LRP12: variants seen among roughly 807,000 people sequenced by gnomAD.
LRP12 encodes LDL receptor related protein 12.
Under a neutral mutation model 66.0 loss-of-function variants are expected in LRP12, and 14 were observed. The observed-to-expected ratio is 0.21, with a 90% CI of 0.14 to 0.33. LRP12 has a LOEUF of 0.33. Among genes scored for constraint, LRP12 ranks in the 10% least tolerant of loss-of-function variants. The probability of loss-of-function intolerance (pLI) is 1.00; values close to 1 mark genes in which losing one functional copy is unlikely to be tolerated. For synonymous variants in LRP12, 357 were observed against 359.1 expected (o/e 0.99, Z 0.07); for missense variants, 889 against 1,053.4 (o/e 0.84, Z 2.16).
intron 1 of LRP12, among the ~76,000 whole-genome samples, chr8:104,548,180 T>C (rs1263936083): frequency 9.9e-6 from 1 of 101,446 alleles, no homozygotes; most frequent in Admixed American, 1.4e-4. Flanking sequence ...TAATATAATA[T>C]ATAATATATA....
intron 1 of LRP12, among the ~76,000 whole-genome samples, chr8:104,538,234 C>T (rs1052992636): frequency 2.0e-5 from 3 of 152,158 alleles, no homozygotes; most frequent in African/African-American, 4.8e-5. Context: ...TAGCTACTAT[C>T]GCATTTTCCC....
rs1217102319 is a variant in LRP12, at chr8:104,497,211, GT to G, written c.1340del (p.Asn447ThrfsTer41). The G allele has an allele frequency of 1.2e-6, 2 of 1,612,052 alleles. No homozygotes were observed. Among genetic ancestry groups the G allele is most frequent in the Non-Finnish European group, 1.7e-6 (2 of 1,179,022 alleles). On this transcript the variant is annotated frameshift_variant, in exon 5 of 7. Transcript: ENST00000276654. LOFTEE classifies it high-confidence loss of function. The surrounding 1 kb of genome is among the most constrained non-coding windows in gnomAD (Gnocchi z 4.3). ...AATTTCCTGGTTGGCAAAAAAAGCAGTTTTTTTCATCTGAGCCATTTGGGCA... is the reference window on the plus strand; with the variant it reads ...AATTTCCTGGTTGGCAAAAAAAGCAGTTTTTTCATCTGAGCCATTTGGGCA... ...NHCPNGSDEKNCFFCQPGNFH... is the reference protein window; with the variant it reads ...NHCPNGSDEKXCFFCQPGNFH...
At chr8:104,542,097 C>T (rs1404567868) in intron 1 of LRP12, among the ~76,000 whole-genome samples, 1 of 152,078 alleles carries the variant, frequency 6.6e-6, no homozygotes, top group Non-Finnish European at 1.5e-5. Flanking sequence ...ATGGCAATAC[C>T]ATTTTACATT....
intron 1 of LRP12, among the ~76,000 whole-genome samples, chr8:104,545,729 CTT>C (rs1176898377): frequency 6.6e-6 from 1 of 152,084 alleles, no homozygotes; most frequent in African/African-American, 2.4e-5. Context: ...ATAAACATAA[CTT>C]TTATATGCAC....
intron 1 of LRP12, among the ~76,000 whole-genome samples, chr8:104,535,800 A>G (rs1811385448): frequency 6.6e-6 from 1 of 152,016 alleles, no homozygotes; most frequent in South Asian, 2.1e-4. Context: ...ACTAATTCCC[A>G]CATTAAAAAG....
At chr8:104,581,718 T>C (rs1336901864) in intron 1 of LRP12, among the ~76,000 whole-genome samples, 1 of 152,090 alleles carries the variant, frequency 6.6e-6, no homozygotes, top group Non-Finnish European at 1.5e-5. Context: ...CTAAGACTAG[T>C]TGGTGGCTGT....
At chr8:104,504,719 CAT>C (rs973634570) in intron 3 of LRP12, 4 of 152,254 alleles carry the variant, frequency 2.6e-5, no homozygotes, top group Non-Finnish European at 4.4e-5. Flanking sequence ...AAATGTTCCA[CAT>C]GTCTTTGAAA....
intron 1 of LRP12, among the ~76,000 whole-genome samples, chr8:104,561,598 T>C (rs1437973554): frequency 6.6e-6 from 1 of 152,252 alleles, no homozygotes; most frequent in Non-Finnish European, 1.5e-5. Context: ...GCCTATTTGT[T>C]TTTACTGTAT....
intron 1 of LRP12, 26 bp from the exon 2 acceptor site, chr8:104,531,989 T>C (rs1409398155): frequency 6.7e-7 from 1 of 1,491,822 alleles, no homozygotes. Context: ...ATGAATAAAC[T>C]AATATCCAAG....
intron 1 of LRP12, among the ~76,000 whole-genome samples, chr8:104,569,791 A>G (rs898705256): frequency 2.0e-5 from 3 of 152,102 alleles, no homozygotes; most frequent in Non-Finnish European, 2.9e-5. Flanking sequence ...CAGTGTACTA[A>G]AAGTCTTAGC....
chr8:104,510,927 C>T (rs970011304), intron 2 of LRP12, among the ~76,000 whole-genome samples: 7 of 151,450 alleles, frequency 4.6e-5, no homozygotes, highest in South Asian at 2.1e-4. Context: ...GTATAAAACA[C>T]GGCCTGCACT....
intron 1 of LRP12, among the ~76,000 whole-genome samples, chr8:104,569,356 T>G (rs1812046997): frequency 6.6e-6 from 1 of 152,160 alleles, no homozygotes. Context: ...GTGACAGTTG[T>G]GTAACTTTGT....
intron 1 of LRP12, among the ~76,000 whole-genome samples, chr8:104,576,513 G>A (rs187401882): frequency 4.6e-5 from 7 of 152,050 alleles, no homozygotes; most frequent in South Asian, 2.1e-4. Context: ...TTGCCAAAGC[G>A]TCATAAGCAA....
chr8:104,556,424 C>G (rs1018987005), intron 1 of LRP12, among the ~76,000 whole-genome samples: 1 of 151,872 alleles, frequency 6.6e-6, no homozygotes, highest in Non-Finnish European at 1.5e-5. Flanking sequence ...GAGAGAAGAT[C>G]CAAATAAGCT....
chr8:104,533,381 G>C lies in LRP12; in HGVS notation c.80-1418C>G, dbSNP rs368643561. ...AAAACACCTAAGAAGGTTTGCCAAA[G>C]GTCAGTATAAACTGCCTAAATCCTT... is the stretch of plus-strand genomic sequence containing the variant. On this transcript the variant is annotated intron_variant, in intron 1 of 6. Coordinates refer to ENST00000276654, the MANE Select transcript of LRP12 (RefSeq NM_013437.5). Among the ~76,000 whole-genome samples the C allele has an allele frequency of 4.6e-5, 7 of 152,046 alleles. No homozygotes were observed. In the East Asian group the frequency reaches 9.6e-4, roughly 21 times the overall value.
intron 6 of LRP12, 63 bp from the exon 7 acceptor site, chr8:104,491,602 A>AAC (rs1810632106): frequency 5.3e-6 from 7 of 1,310,094 alleles, no homozygotes; most frequent in Non-Finnish European, 7.2e-6. Context: ...AAAAAAAAAA[A>AAC]AAACACCCTT....
chr8:104,491,362 T>C lies in LRP12; in HGVS notation c.1891A>G (p.Ser631Gly), dbSNP rs746605524. The C allele has an allele frequency of 4.3e-6, 7 of 1,614,104 alleles. No individual in the cohort carries two copies. The highest frequency in any genetic ancestry group is 5.9e-6 in the Non-Finnish European group (7 of 1,180,000). ...TCAGGTTCTCTACTGGTACTCTGAC[T>C]AGGGACAACCTCATCTCCATCTGCT... is the stretch of plus-strand genomic sequence containing the variant. ...VSADGDEVVP[S>G]QSTSREPERN... Residue 631 changes from serine (S) to glycine (G), a missense_variant, in exon 7 of 7, where the codon AGT (serine) becomes GGT (glycine). Ser to Gly is a moderately conservative substitution (Grantham distance 56). Coordinates refer to ENST00000276654, the MANE Select transcript of LRP12 (RefSeq NM_013437.5).
intron 1 of LRP12, among the ~76,000 whole-genome samples, chr8:104,559,979 T>G (rs569030438): frequency 6.6e-5 from 10 of 152,134 alleles, no homozygotes; most frequent in Non-Finnish European, 1.2e-4. Context: ...AGTTTACCAA[T>G]GAAGAAACTA....
chr8:104,566,810 T>A (rs995328778), intron 1 of LRP12, among the ~76,000 whole-genome samples: 1 of 152,166 alleles, frequency 6.6e-6, no homozygotes, highest in Non-Finnish European at 1.5e-5. Context: ...TATTATTGTT[T>A]AAACAAAGTT....
Sources: allele counts gnomAD v4.1 joint callset (sites outside exome capture counted in the v4.1 genomes callset), GRCh38; gene constraint gnomAD v4.1.1; non-coding constraint Gnocchi (gnomAD v3.1); transcripts MANE v1.5; gene names NCBI Gene and HGNC (gene_info 2026-07-23, HGNC 2026-07-21).